VPS13B: variants seen among roughly 807,000 people sequenced by gnomAD.
The protein encoded by VPS13B is vacuolar protein sorting 13 homolog B.
VPS13B carries 285 observed loss-of-function variants against 426.4 expected under a neutral mutation model. The observed-to-expected ratio is 0.67, with a 90% CI of 0.61 to 0.74. The LOEUF is 0.74. Ranked by LOEUF, VPS13B falls within the 30% of genes least tolerant of loss-of-function variation. The pLI is 0.00. For synonymous variants in VPS13B, 1,676 were observed against 1,676.4 expected, an observed-to-expected ratio of 1.00 and a Z score of 0.01; for missense variants, 4,537 against 4,782.6, an observed-to-expected ratio of 0.95 and a Z score of 1.51.
chr8:99,756,369 CCAT>C (rs1183580434), intron 39 of VPS13B, among the ~76,000 whole-genome samples: 1 of 152,028 alleles, frequency 6.6e-6, no homozygotes, highest in Admixed American at 6.6e-5. Context: ...CTGTGACACA[CCAT>C]CAAGTGTACC....
chr8:99,285,558 G>A (rs147068822), intron 19 of VPS13B, among the ~76,000 whole-genome samples: 4 of 151,976 alleles, frequency 2.6e-5, no homozygotes, highest in African/African-American at 9.7e-5. Context: ...TGTTTTATAT[G>A]GATCAAAAAG....
intron 35 of VPS13B, among the ~76,000 whole-genome samples, chr8:99,699,176 T>C (rs2130175469): frequency 7.0e-6 from 1 of 143,192 alleles, no homozygotes; most frequent in East Asian, 2.2e-4. Context: ...CAGTTTCATA[T>C]AGGTAACAAA....
intron 13 of VPS13B, 24 bp from the exon 14 acceptor site, chr8:99,147,813 TATTA>T (rs776485304): frequency 1.5e-6 from 2 of 1,354,632 alleles, no homozygotes; most frequent in Non-Finnish European, 2.0e-6. Context: ...AAATATTCTT[TATTA>T]ATTTTTTATC....
At chr8:99,319,960 A>G (rs1809884176) in intron 19 of VPS13B, among the ~76,000 whole-genome samples, 1 of 152,174 alleles carries the variant, frequency 6.6e-6, no homozygotes, top group Non-Finnish European at 1.5e-5. Flanking sequence ...ACTAGTAGAC[A>G]CTTAATAAAT....
chr8:99,423,074 A>G (rs1816464564), intron 21 of VPS13B, among the ~76,000 whole-genome samples: 1 of 152,120 alleles, frequency 6.6e-6, no homozygotes, highest in Admixed American at 6.6e-5. Context: ...TTTGATGGAC[A>G]GATAAATTGT....
chr8:99,213,056 A>G (rs1331346273), intron 17 of VPS13B, among the ~76,000 whole-genome samples: 2 of 152,228 alleles, frequency 1.3e-5, no homozygotes, highest in Non-Finnish European at 2.9e-5. Flanking sequence ...TGATTAATAT[A>G]TCAGCTTAGT....
chr8:99,815,560 A>G (rs943535194), intron 44 of VPS13B, among the ~76,000 whole-genome samples: 1 of 111,282 alleles, frequency 9.0e-6, no homozygotes, highest in African/African-American at 3.4e-5. Context: ...ACACACCCAG[A>G]ATAATGTTTG....
chr8:99,311,869 A>G (rs1159051679), intron 19 of VPS13B, among the ~76,000 whole-genome samples: 1 of 152,178 alleles, frequency 6.6e-6, no homozygotes, highest in African/African-American at 2.4e-5. Context: ...TTGGGTGCAT[A>G]TATGATTAGG....
intron 36 of VPS13B, among the ~76,000 whole-genome samples, chr8:99,714,784 T>A (rs984801099): frequency 6.6e-6 from 1 of 152,146 alleles, no homozygotes; most frequent in African/African-American, 2.4e-5. Flanking sequence ...TATTCCACAG[T>A]ATCAAGGTCA....
At chr8:99,209,520 A>AGATG (rs1814943959) in intron 17 of VPS13B, 1 of 194,200 alleles carries the variant, frequency 5.1e-6, no homozygotes, top group South Asian at 9.7e-5. Context: ...TCTTTACAGT[A>AGATG]GATGGACTTA....
intron 17 of VPS13B, chr8:99,234,509 GC>G (rs916998336): frequency 9.7e-6 from 5 of 514,646 alleles, no homozygotes; most frequent in African/African-American, 9.6e-5. Context: ...TAGGGAAGGG[GC>G]TTCCGCGGGG....
chr8:99,114,031 C>G (rs1209389157), intron 6 of VPS13B, among the ~76,000 whole-genome samples: 4 of 151,952 alleles, frequency 2.6e-5, no homozygotes, highest in African/African-American at 9.7e-5. Context: ...TAACATTTCT[C>G]CTGTTTTTAG....
At chr8:99,137,525 T>C (rs967502044) in intron 12 of VPS13B, among the ~76,000 whole-genome samples, 8 of 150,156 alleles carry the variant, frequency 5.3e-5, no homozygotes, top group African/African-American at 1.5e-4. Context: ...GAACTAGAAG[T>C]GTGGGTAAAA....
At chr8:99,752,140 A>G (rs950678908) in intron 39 of VPS13B, among the ~76,000 whole-genome samples, 2 of 152,214 alleles carry the variant, frequency 1.3e-5, no homozygotes, top group African/African-American at 4.8e-5. Context: ...CTAGGAGTTC[A>G]AGGCCAGCCT....
Position 99,031,022 on chromosome 8 carries a change from A to T in VPS13B, c.148-7401A>T, listed in dbSNP as rs1003277378. Among the ~76,000 whole-genome samples the T allele has an allele frequency of 5.3e-5, 8 of 152,196 alleles. No individual in the cohort carries two copies. The East Asian group carries it at 1.2e-3, about 22-fold the overall frequency. ...GTAGGCTGTAGGAACTTTTGTTTAT[A>T]TCAGTTAGCCTAGGTAAAATTAGTT... On this transcript the variant is annotated intron_variant, in intron 2 of 61. Coordinates refer to ENST00000357162, the MANE Select transcript of VPS13B (RefSeq NM_152564.5).
intron 3 of VPS13B, among the ~76,000 whole-genome samples, chr8:99,068,541 T>G (rs1844671589): frequency 6.6e-6 from 1 of 152,230 alleles, no homozygotes; most frequent in African/African-American, 2.4e-5. Flanking sequence ...ATTGAGAAGT[T>G]GCACATATTA....
intron 24 of VPS13B, among the ~76,000 whole-genome samples, chr8:99,472,870 G>T (rs1430090896): frequency 6.6e-6 from 1 of 151,890 alleles, no homozygotes. Context: ...AGCATAATAA[G>T]AAAATAATGA....
At chr8:99,671,823 T>TA (rs1322792677) in intron 35 of VPS13B, among the ~76,000 whole-genome samples, 1 of 152,054 alleles carries the variant, frequency 6.6e-6, no homozygotes, top group African/African-American at 2.4e-5. Flanking sequence ...GATAAGGATC[T>TA]ACTTTCATTC....
chr8:99,661,454 T>G lies in VPS13B; in HGVS notation c.6009T>G (p.Phe2003Leu), dbSNP rs1830220185. 2.5e-6 allele frequency: 4 copies of G among 1,613,458 alleles called. No individual in the cohort carries two copies. The East Asian group carries it at 8.9e-5, about 36-fold the overall frequency. Residue 2003 changes from phenylalanine (F) to leucine (L), a missense_variant, in exon 35 of 62, where the codon TTT becomes TTG. Phe to Leu is a conservative substitution (Grantham distance 22). Coordinates refer to ENST00000357162, the MANE Select transcript of VPS13B (RefSeq NM_152564.5). ...IDSKSGIPPS[F>L]ITLQIKDFLN... ...GCAAAAGTGGTATTCCACCTTCCTT[T>G]ATAACACTACAGATTAAAGACTTTC...
Sources: allele counts gnomAD v4.1 joint callset (sites outside exome capture counted in the v4.1 genomes callset), GRCh38; gene constraint gnomAD v4.1.1; transcripts MANE v1.5; gene names NCBI Gene and HGNC (gene_info 2026-07-23, HGNC 2026-07-21).